Variants in SH2D4B observed in about 807,000 individuals in gnomAD.
SH2D4B encodes SH2 domain containing 4B.
In SH2D4B, 45 loss-of-function variants were observed where a neutral mutation model predicts 61.5. The observed-to-expected ratio is 0.73, with a 90% CI of 0.58 to 0.94. The LOEUF is 0.94. Among genes scored for constraint, SH2D4B ranks in the 40% least tolerant of loss-of-function variants. The pLI is 0.00. For synonymous variants in SH2D4B, 224 were observed against 220.4 expected (o/e 1.02, Z -0.14); for missense variants, 572 against 574.2 (o/e 1.00, Z 0.04).
intron 5 of SH2D4B, among the ~76,000 whole-genome samples, chr10:80,604,854 C>T (rs1842498478): frequency 6.6e-6 from 1 of 151,182 alleles, no homozygotes; most frequent in South Asian, 2.1e-4. Flanking sequence ...AGTGCAGTGG[C>T]GTGATCTCAG....
At chr10:80,610,084 C>T (rs112866303) in intron 6 of SH2D4B, among the ~76,000 whole-genome samples, 1 of 152,162 alleles carries the variant, frequency 6.6e-6, no homozygotes, top group Non-Finnish European at 1.5e-5. Context: ...CTCAAACAAG[C>T]CATCCTCTTT....
chr10:80,599,074 C>T (rs993342758), intron 4 of SH2D4B, among the ~76,000 whole-genome samples: 17 of 152,064 alleles, frequency 1.1e-4, no homozygotes, highest in South Asian at 2.1e-4. Context: ...GAGTGGGAAA[C>T]GTGGGCTCAG....
chr10:80,538,376 C>T lies in SH2D4B; in HGVS notation c.45C>T (p.Leu15=), dbSNP rs2132097206. 1.4e-6 allele frequency: 2 copies of T among 1,414,954 alleles called. No homozygotes were observed. The highest frequency in any genetic ancestry group is 2.9e-5 in the African/African-American group (2 of 68,222). The allele number at this position is 1,414,954 out of a possible 1,614,324, so 87.6% of individuals were successfully genotyped here. ...ACGACATGTACATCGACCCCGAGCT[C>T]CTTGCCGAGCTCAGCGATGTGCAGA... ...ILHDMYIDPE[L]LAELSDVQKH... is the part of the protein sequence containing the mutation. The change falls in exon 1 of 8, where the codon CTC becomes CTT. Residue 15 remains leucine (L), a synonymous_variant. Coordinates refer to ENST00000646907, the MANE Select transcript of SH2D4B (RefSeq NM_001388272.1). The surrounding 1 kb of genome is among the most constrained non-coding windows in gnomAD (Gnocchi z 4.8).
chr10:80,603,490 T>G, intron 4 of SH2D4B, 89 bp from the exon 5 acceptor site: 2 of 1,266,982 alleles, frequency 1.6e-6, no homozygotes, highest in South Asian at 1.5e-5. Context: ...CAATTACTTT[T>G]GCACCAACCA....
chr10:80,548,899 T>C (rs1226244693), intron 1 of SH2D4B, among the ~76,000 whole-genome samples: 1 of 152,230 alleles, frequency 6.6e-6, no homozygotes, highest in Non-Finnish European at 1.5e-5. Context: ...TCAACCCTTG[T>C]GTAGTTTACA....
intron 1 of SH2D4B, among the ~76,000 whole-genome samples, chr10:80,564,345 C>T (rs539129890): frequency 6.6e-6 from 1 of 152,336 alleles, no homozygotes; most frequent in Admixed American, 6.5e-5. Context: ...CTCCATGTTG[C>T]TGAATCCAGC....
At chr10:80,551,144 C>T (rs930734622) in intron 1 of SH2D4B, among the ~76,000 whole-genome samples, 3 of 152,184 alleles carry the variant, frequency 2.0e-5, no homozygotes, top group Non-Finnish European at 4.4e-5. Context: ...GCTCTACCTC[C>T]CGGGCTCACG....
At chr10:80,565,925 C>T (rs978188179) in intron 1 of SH2D4B, among the ~76,000 whole-genome samples, 6 of 151,524 alleles carry the variant, frequency 4.0e-5, no homozygotes, top group African/African-American at 1.2e-4. Flanking sequence ...CCCGTCTCTA[C>T]TAAAAATACA....
At chr10:80,540,464 C>T (rs184082773) in intron 1 of SH2D4B, among the ~76,000 whole-genome samples, 10 of 152,292 alleles carry the variant, frequency 6.6e-5, no homozygotes, top group African/African-American at 1.4e-4. Flanking sequence ...TTGCTGCTCC[C>T]GTGTCCCTGC....
intron 6 of SH2D4B, among the ~76,000 whole-genome samples, chr10:80,624,824 T>C (rs1842753185): frequency 6.6e-6 from 1 of 152,142 alleles, no homozygotes; most frequent in African/African-American, 2.4e-5. Flanking sequence ...TTTGAATGAA[T>C]GCCATAGCAG....
At chr10:80,591,170 C>T (rs767524990) in intron 4 of SH2D4B, among the ~76,000 whole-genome samples, 9 of 151,836 alleles carry the variant, frequency 5.9e-5, no homozygotes, top group Non-Finnish European at 8.8e-5. Context: ...GTTGTTTTCA[C>T]TTTTTGGCTA....
chr10:80,623,499 AAC>A (rs1246266398), intron 6 of SH2D4B, among the ~76,000 whole-genome samples: 1 of 152,204 alleles, frequency 6.6e-6, no homozygotes, highest in African/African-American at 2.4e-5. Flanking sequence ...ACTAAATGTC[AAC>A]ATATGAATTT....
intron 7 of SH2D4B, 147 bp from the exon 8 acceptor site, chr10:80,643,846 C>T: frequency 2.1e-6 from 1 of 474,638 alleles, no homozygotes; most frequent in Non-Finnish European, 3.5e-6. Context: ...AAAGGCAGCT[C>T]TTTTTTCCTG....
intron 1 of SH2D4B, among the ~76,000 whole-genome samples, chr10:80,546,155 G>A (rs1262786981): frequency 2.7e-5 from 4 of 149,728 alleles, no homozygotes; most frequent in South Asian, 2.1e-4. Flanking sequence ...AGTGATCCTC[G>A]CACCTCAGCC....
chr10:80,595,114 G>A lies in SH2D4B; in HGVS notation c.643+6337G>A, dbSNP rs192057425. Among the ~76,000 whole-genome samples the A allele has an allele frequency of 1.3e-3, 203 of 152,282 alleles. 1 individual carries two copies. The highest frequency in any genetic ancestry group is 4.5e-3 in the African/African-American group (189 of 41,566). ...CAGTTGCAATTTTTAAGACACCAGT[G>A]TTCCTTCTGCTTCTCAGCATTGATG... On this transcript the variant is annotated intron_variant, in intron 4 of 7. Coordinates refer to ENST00000646907, the MANE Select transcript of SH2D4B (RefSeq NM_001388272.1).
chr10:80,616,406 T>C (rs999546785), intron 6 of SH2D4B, among the ~76,000 whole-genome samples: 4 of 152,214 alleles, frequency 2.6e-5, no homozygotes, highest in Admixed American at 6.5e-5. Context: ...AATAAAGGAA[T>C]ATTTTCCTTC....
rs1840396767 is a variant in SH2D4B at position 80,646,496 on chromosome 10, G to A, written c.*2411G>A. 1 of 152,082 alleles carries A rather than the reference G, an allele frequency of 6.6e-6. No individual in the cohort carries two copies. Among genetic ancestry groups the A allele is most frequent in the Non-Finnish European group, 1.5e-5 (1 of 68,016 alleles). The allele number at this position is 152,082 out of a possible 1,614,324, so 9.4% of individuals were successfully genotyped here. A position where few individuals can be genotyped will look rare whatever the true frequency, so the allele number is the denominator to read the frequency against. ...AAGTTGTCCTGCAAATGAAATTACT[G>A]TCTGGAAAACTGCAATTTCATCTTG... is the stretch of plus-strand genomic sequence containing the variant. On this transcript the variant is annotated 3_prime_UTR_variant, in exon 8 of 8. Transcript: ENST00000646907.
chr10:80,546,707 T>C (rs1325135991), intron 1 of SH2D4B, among the ~76,000 whole-genome samples: 1 of 151,432 alleles, frequency 6.6e-6, no homozygotes, highest in Admixed American at 6.6e-5. Context: ...TTTTGTATTT[T>C]TAGTAGAGAC....
intron 1 of SH2D4B, among the ~76,000 whole-genome samples, chr10:80,548,899 T>G (rs1226244693): frequency 2.0e-5 from 3 of 152,230 alleles, no homozygotes; most frequent in African/African-American, 7.2e-5. Flanking sequence ...TCAACCCTTG[T>G]GTAGTTTACA....
Sources: gnomAD v4.1 joint callset for allele counts (sites outside exome capture counted in the v4.1 genomes callset) on GRCh38, gnomAD v4.1.1 for gene constraint, Gnocchi (gnomAD v3.1) non-coding constraint, MANE v1.5 for transcripts, NCBI Gene and HGNC (gene_info 2026-07-23, HGNC 2026-07-21) for gene names.